The following GREB1L variants were observed in gnomAD, a reference collection of about 807,000 sequenced individuals.
GREB1L encodes the protein GREB1 like retinoic acid receptor coactivator, also known as GREB1-like protein.
In GREB1L, 17 loss-of-function variants were observed where a neutral mutation model predicts 200.8. That is an observed-to-expected ratio of 0.08 (90% CI 0.06 to 0.13). GREB1L has a LOEUF of 0.13. GREB1L is among the 10% of genes least tolerant of loss of function. The pLI is 1.00. For synonymous variants in GREB1L, 789 were observed against 893.0 expected, an observed-to-expected ratio of 0.88 and a Z score of 2.08; for missense variants, 1,657 against 2,367.7, an observed-to-expected ratio of 0.70 and a Z score of 6.23.
At chr18:21,480,090 C>A (rs1349904260) in intron 17 of GREB1L, among the ~76,000 whole-genome samples, 4 of 152,174 alleles carry the variant, frequency 2.6e-5, no homozygotes, top group Non-Finnish European at 5.9e-5. Flanking sequence ...GTGGCTCACG[C>A]CTGTAAACTC....
At chr18:21,271,467 T>G (rs901908213) in intron 1 of GREB1L, among the ~76,000 whole-genome samples, 4 of 151,196 alleles carry the variant, frequency 2.6e-5, no homozygotes, top group African/African-American at 9.7e-5. Flanking sequence ...GGCAATACAG[T>G]GAGACTCTGT....
chr18:21,426,632 G>C (rs912472657), intron 7 of GREB1L, among the ~76,000 whole-genome samples: 5 of 152,158 alleles, frequency 3.3e-5, no homozygotes, highest in Non-Finnish European at 7.3e-5. Context: ...ATGGGGACGT[G>C]TAAGTCCTCC....
At chr18:21,268,576 T>C (rs1191338139) in intron 1 of GREB1L, among the ~76,000 whole-genome samples, 95 of 130,654 alleles carry the variant, frequency 7.3e-4, no homozygotes, top group African/African-American at 2.6e-3. Context: ...TATATATATA[T>C]ATATATATAT....
At chr18:21,450,925 G>A in intron 12 of GREB1L, 98 bp from the exon 13 acceptor site, 1 of 1,239,366 alleles carries the variant, frequency 8.1e-7, no homozygotes, top group African/African-American at 1.5e-5. Context: ...TCCCTATAGT[G>A]ACATCCTTTG....
intron 15 of GREB1L, among the ~76,000 whole-genome samples, chr18:21,470,123 TA>T (rs879495916): frequency 1.2e-3 from 178 of 143,170 alleles, no homozygotes; most frequent in East Asian, 2.6e-3. Flanking sequence ...CCATTTCTAT[TA>T]AAAAAAAAAA....
chr18:21,242,682 C>T (rs1310423869), intron 1 of GREB1L, among the ~76,000 whole-genome samples: 4 of 152,304 alleles, frequency 2.6e-5, no homozygotes, highest in African/African-American at 9.6e-5. Flanking sequence ...TGTCCGCGCC[C>T]AGAGGCCGAA....
intron 7 of GREB1L, among the ~76,000 whole-genome samples, chr18:21,417,754 C>T (rs2031776972): frequency 6.6e-6 from 1 of 151,784 alleles, no homozygotes; most frequent in South Asian, 2.1e-4. Flanking sequence ...TACTTTGGGG[C>T]CGAGGCGGGT....
intron 1 of GREB1L, chr18:21,317,440 A>C (rs1471830725): frequency 6.6e-6 from 1 of 152,014 alleles, no homozygotes; most frequent in Non-Finnish European, 1.5e-5. Context: ...GCCTCTACAA[A>C]AAAAATACTA....
Position 21,485,742 on chromosome 18 carries a change from A to G in GREB1L, c.2679A>G (p.Thr893=), listed in dbSNP as rs2036103250. 10 of 1,551,326 alleles carry G rather than the reference A, an allele frequency of 6.4e-6. No homozygotes were observed. The highest frequency in any genetic ancestry group is 4.1e-5 in the African/African-American group (3 of 73,008). The change falls in exon 18 of 33, where the codon ACA becomes ACG. Residue 893 remains threonine (T), a synonymous_variant. Transcript: ENST00000424526. ...CDETFEKMVN[T]LLERYPRLHS... ...AGACTTTTGAAAAAATGGTGAACAC[A>G]CTCTTGGAGAGGTAAATAGTAAATA...
rs960233713 is a variant in GREB1L, at chr18:21,268,508, T to G, written c.-120+26115T>G. 6.1e-4 allele frequency among the ~76,000 whole-genome samples: 74 copies of G among 122,286 alleles called. 1 individual carries two copies. Among genetic ancestry groups the G allele is most frequent in the Non-Finnish European group, 2.1e-4 (13 of 61,056 alleles). The allele number at this position is 122,286 out of a possible 152,430, so 80.2% of individuals were successfully genotyped here. On this transcript the variant is annotated intron_variant, in intron 1 of 32. Transcript: ENST00000424526. ...GTGTGTGTATATATATACATATATA[T>G]ATGTATATATATATACACACACACA...
At chr18:21,383,155 G>A (rs1438571189) in intron 2 of GREB1L, among the ~76,000 whole-genome samples, 1 of 152,034 alleles carries the variant, frequency 6.6e-6, no homozygotes, top group African/African-American at 2.4e-5. Flanking sequence ...AGTTATAGTA[G>A]CCTCCTATAA....
chr18:21,503,975 T>G (rs1343726559), intron 23 of GREB1L, among the ~76,000 whole-genome samples: 2 of 152,158 alleles, frequency 1.3e-5, no homozygotes, highest in Admixed American at 1.3e-4. Flanking sequence ...AGACTCTTAC[T>G]CTGTCACACA....
At chr18:21,487,332 T>A (rs2036165034) in intron 18 of GREB1L, among the ~76,000 whole-genome samples, 1 of 152,256 alleles carries the variant, frequency 6.6e-6, no homozygotes, top group East Asian at 1.9e-4. Flanking sequence ...CACTTCTGAC[T>A]TCATGATTCT....
chr18:21,380,513 T>G (rs544138644), intron 2 of GREB1L: 29 of 152,326 alleles, frequency 1.9e-4, no homozygotes, highest in African/African-American at 7.0e-4. Context: ...AAATTACCTG[T>G]CTTGAAATGA....
intron 24 of GREB1L, 93 bp downstream of exon 24, chr18:21,505,660 G>C: frequency 4.9e-6 from 7 of 1,437,368 alleles, no homozygotes; most frequent in Non-Finnish European, 6.6e-6. Context: ...GCTCTTATGC[G>C]CATCATTTTT....
At chr18:21,505,594 C>T in intron 24 of GREB1L, 27 bp downstream of exon 24, 3 of 1,550,046 alleles carry the variant, frequency 1.9e-6, no homozygotes, top group Non-Finnish European at 2.6e-6. Context: ...AAGTTCACCT[C>T]CTCTCTGGGT....
intron 1 of GREB1L, among the ~76,000 whole-genome samples, chr18:21,334,022 A>T (rs1403803840): frequency 6.6e-6 from 1 of 151,834 alleles, no homozygotes; most frequent in Non-Finnish European, 1.5e-5. Flanking sequence ...TGACTGTACC[A>T]CTTTAGATAC....
At chr18:21,310,085 A>G (rs2038767607) in intron 1 of GREB1L, among the ~76,000 whole-genome samples, 1 of 152,212 alleles carries the variant, frequency 6.6e-6, no homozygotes, top group Non-Finnish European at 1.5e-5. Flanking sequence ...AGGGCAACTG[A>G]GAAACTGAAT....
At chr18:21,498,956 T>C (rs1441985213) in intron 21 of GREB1L, among the ~76,000 whole-genome samples, 1 of 152,338 alleles carries the variant, frequency 6.6e-6, no homozygotes, top group East Asian at 1.9e-4. Context: ...TTTTGGTTTG[T>C]CTTTAAACCA....
Sources: gnomAD v4.1 joint callset for allele counts (sites outside exome capture counted in the v4.1 genomes callset) on GRCh38, gnomAD v4.1.1 for gene constraint, MANE v1.5 for transcripts, NCBI Gene and HGNC (gene_info 2026-07-23, HGNC 2026-07-21) for gene names.